The following TRANK1 variants were observed in gnomAD, a reference collection of about 807,000 sequenced individuals.
TRANK1 encodes the protein TPR and ankyrin repeat-containing protein 1.
TRANK1 carries 198 observed loss-of-function variants against 266.0 expected under a neutral mutation model. The observed-to-expected ratio is 0.74, with a 90% CI of 0.66 to 0.84. The LOEUF is 0.84. Among genes scored for constraint, TRANK1 ranks in the 40% least tolerant of loss-of-function variants. The pLI is 0.00. For synonymous variants in TRANK1, 1,396 were observed against 1,384.1 expected, an observed-to-expected ratio of 1.01 and a Z score of -0.19; for missense variants, 3,326 against 3,634.6, an observed-to-expected ratio of 0.92 and a Z score of 2.18.
chr3:36,914,926 C>T (rs1272618249), intron 1 of TRANK1, among the ~76,000 whole-genome samples: 1 of 151,758 alleles, frequency 6.6e-6, no homozygotes, highest in Non-Finnish European at 1.5e-5. Context: ...GCGTGAGCCA[C>T]CACACCAGGC....
intron 10 of TRANK1, among the ~76,000 whole-genome samples, chr3:36,864,029 AAG>A (rs1311328685): frequency 5.3e-5 from 8 of 152,188 alleles, no homozygotes; most frequent in African/African-American, 1.9e-4. Context: ...GTATCTACAG[AAG>A]AGAGAAATAT....
chr3:36,916,873 T>TGGTGCAATCTTGGCTCACTGCA (rs2080133826), intron 1 of TRANK1, among the ~76,000 whole-genome samples: 1 of 151,988 alleles, frequency 6.6e-6, no homozygotes, highest in South Asian at 2.1e-4. Flanking sequence ...TGGAGTGCAG[T>TGGTGCAATCTTGGCTCACTGCA]GGTGCAATCT....
At chr3:36,922,059 T>A (rs1323197738) in intron 1 of TRANK1, among the ~76,000 whole-genome samples, 3 of 152,092 alleles carry the variant, frequency 2.0e-5, no homozygotes, top group Non-Finnish European at 4.4e-5. Flanking sequence ...AGGCTGAAGA[T>A]CACTTGAGCC....
chr3:36,904,462 G>A (rs1188565816), intron 2 of TRANK1, among the ~76,000 whole-genome samples: 1 of 151,710 alleles, frequency 6.6e-6, no homozygotes, highest in African/African-American at 2.4e-5. Context: ...GGAGATTTCA[G>A]TGAGCCAAGA....
intron 1 of TRANK1, among the ~76,000 whole-genome samples, chr3:36,926,300 G>A (rs781316637): frequency 6.6e-6 from 1 of 152,096 alleles, no homozygotes; most frequent in Non-Finnish European, 1.5e-5. Context: ...TAACATCACA[G>A]GTTGCTAACA....
chr3:36,829,797 G>A (rs1308056711), intron 22 of TRANK1, 135 bp from the exon 23 acceptor site: 3 of 864,672 alleles, frequency 3.5e-6, no homozygotes, highest in Non-Finnish European at 3.6e-6. Context: ...TCCTTATCGG[G>A]TAAGGGACCC....
chr3:36,841,809 A>G (rs1559419992), intron 18 of TRANK1, among the ~76,000 whole-genome samples: 1 of 152,186 alleles, frequency 6.6e-6, no homozygotes, highest in Non-Finnish European at 1.5e-5. Context: ...TGCAGATGAC[A>G]CAGGGAAGAG....
intron 4 of TRANK1, among the ~76,000 whole-genome samples, chr3:36,898,280 T>C (rs7645639): frequency 0.29 from 44,245 of 151,356 alleles, 6,855 homozygotes; most frequent in East Asian, 0.57. Context: ...GAAGCCCCAT[T>C]TCTACTAAAA....
chr3:36,917,531 T>G (rs749360375), intron 1 of TRANK1, among the ~76,000 whole-genome samples: 1 of 152,116 alleles, frequency 6.6e-6, no homozygotes, highest in Non-Finnish European at 1.5e-5. Flanking sequence ...GATCAAGAGG[T>G]GAACTTCTTT....
chr3:36,841,002 G>A (rs1038880720), intron 18 of TRANK1, among the ~76,000 whole-genome samples: 3 of 152,190 alleles, frequency 2.0e-5, no homozygotes, highest in African/African-American at 7.2e-5. Flanking sequence ...TGAAACAATA[G>A]ACAAAACTCT....
At chr3:36,876,634 CT>C (rs1267975124) in intron 8 of TRANK1, among the ~76,000 whole-genome samples, 1 of 152,292 alleles carries the variant, frequency 6.6e-6, no homozygotes, top group East Asian at 1.9e-4. Flanking sequence ...ACAAACAAAC[CT>C]AACAACTCTC....
At chr3:36,852,958 T>A (rs1326259872) in intron 13 of TRANK1, among the ~76,000 whole-genome samples, 12 of 152,182 alleles carry the variant, frequency 7.9e-5, no homozygotes, top group African/African-American at 2.9e-4. Flanking sequence ...AAGGCCTCCA[T>A]CACCCTTTTC....
intron 1 of TRANK1, among the ~76,000 whole-genome samples, chr3:36,942,712 T>C (rs939333998): frequency 3.6e-4 from 55 of 151,980 alleles, no homozygotes; most frequent in African/African-American, 8.0e-4. Flanking sequence ...TTCAGTCTAC[T>C]TCATCACTCC....
At chr3:36,945,151 C>T, upstream of TRANK1, 1 of 306,672 alleles carries the variant, frequency 3.3e-6, no homozygotes. Flanking sequence ...AGGGGCGTTT[C>T]GGTGTCTCCC....
At chr3:36,911,919 G>T (rs974996859) in intron 1 of TRANK1, among the ~76,000 whole-genome samples, 2 of 152,184 alleles carry the variant, frequency 1.3e-5, no homozygotes, top group African/African-American at 4.8e-5. Context: ...AGGCACAGTG[G>T]CTCACGCCTG....
intron 2 of TRANK1, 126 bp from the exon 3 acceptor site, chr3:36,903,401 G>T: frequency 8.2e-7 from 1 of 1,218,578 alleles, no homozygotes; most frequent in Non-Finnish European, 1.1e-6. Context: ...ACTCATTCAT[G>T]CTTATCAGAT....
chr3:36,911,652 A>T (rs2080054283), intron 1 of TRANK1, among the ~76,000 whole-genome samples: 1 of 152,208 alleles, frequency 6.6e-6, no homozygotes, highest in Non-Finnish European at 1.5e-5. Context: ...TCCTAATAGG[A>T]TTCATTGAGA....
intron 1 of TRANK1, among the ~76,000 whole-genome samples, chr3:36,921,784 AAAC>A (rs1204290859): frequency 6.6e-6 from 1 of 152,232 alleles, no homozygotes; most frequent in Non-Finnish European, 1.5e-5. Flanking sequence ...TGGGTTTGCC[AAAC>A]AACAGGGTGA....
At chr3:36,921,491 T>C (rs1380721476) in intron 1 of TRANK1, among the ~76,000 whole-genome samples, 1 of 152,228 alleles carries the variant, frequency 6.6e-6, no homozygotes, top group East Asian at 1.9e-4. Flanking sequence ...CAGCTCTTTA[T>C]CTCTCTGTAA....
Sources: allele counts gnomAD v4.1 joint callset (sites outside exome capture counted in the v4.1 genomes callset), GRCh38; gene constraint gnomAD v4.1.1; transcripts MANE v1.5; gene names NCBI Gene and HGNC (gene_info 2026-07-23, HGNC 2026-07-21).